The following LARGE1 variants were observed in gnomAD, a reference collection of about 807,000 sequenced individuals.
The protein encoded by LARGE1 is xylosyl- and glucuronyltransferase LARGE1.
In LARGE1, 43 loss-of-function variants were observed where a neutral mutation model predicts 87.6. That is an observed-to-expected ratio of 0.49 (90% confidence interval 0.38 to 0.63). LARGE1 has a LOEUF of 0.63. Ranked by LOEUF, LARGE1 falls within the 30% of genes least tolerant of loss-of-function variation. The pLI, the probability that LARGE1 is intolerant of heterozygous loss-of-function variation, is 0.00. For missense variants in LARGE1, 802 were observed against 1,000.2 expected (o/e 0.80, Z 2.67); for synonymous variants, 434 against 394.6 (o/e 1.10, Z -1.18).
intron 12 of LARGE1, among the ~76,000 whole-genome samples, chr22:33,284,998 T>C (rs1931247324): frequency 6.6e-6 from 1 of 152,228 alleles, no homozygotes; most frequent in South Asian, 2.1e-4. Context: ...CCTAAAATGA[T>C]GGCAATAACA....
At chr22:33,525,609 T>C (rs975391983) in intron 6 of LARGE1, among the ~76,000 whole-genome samples, 1 of 152,188 alleles carries the variant, frequency 6.6e-6, no homozygotes, top group Admixed American at 6.5e-5. Context: ...ACTTCATCTG[T>C]TCCTAGGTGA....
At chr22:33,503,605 C>T (rs1056181711) in intron 6 of LARGE1, among the ~76,000 whole-genome samples, 6 of 151,918 alleles carry the variant, frequency 3.9e-5, no homozygotes, top group Non-Finnish European at 7.4e-5. Context: ...TTGAGACCAG[C>T]CTGGCCAATA....
At chr22:33,606,764 G>C (rs1381610117) in intron 4 of LARGE1, among the ~76,000 whole-genome samples, 1 of 152,118 alleles carries the variant, frequency 6.6e-6, no homozygotes, top group Non-Finnish European at 1.5e-5. Context: ...CTGCTGTCAT[G>C]GAGCTCACAG....
intron 11 of LARGE1, among the ~76,000 whole-genome samples, chr22:33,242,653 C>T (rs1926576280): frequency 6.6e-6 from 1 of 152,078 alleles, no homozygotes. Context: ...GCTCAATTAA[C>T]ATAGTTGAGT....
In LARGE1 at chr22:33,523,223, C is replaced by T. The variant is rs571074953; in HGVS notation, c.787+41625G>A. ...TTCACCATGTTGGTCAGGCTGGTCT[C>T]GAACTCCTGACTTCAGGTGATCCGC... On this transcript the variant is annotated intron_variant, in intron 6 of 14. Coordinates refer to ENST00000397394, the MANE Select transcript of LARGE1 (RefSeq NM_133642.5). Among the ~76,000 whole-genome samples, 8 of 152,010 alleles carry T rather than the reference C, an allele frequency of 5.3e-5. No homozygotes were observed. The South Asian group carries it at 6.2e-4, about 12-fold the overall frequency.
rs1239574182 is a variant in LARGE1, at chr22:33,276,913, GCCCAAGGATCAGTACTACCACTGGT to G, written c.2073+122_2073+146del. On this transcript the variant is annotated intron_variant, in intron 14 of 14. Coordinates refer to ENST00000397394, the MANE Select transcript of LARGE1 (RefSeq NM_133642.5). Reference sequence around the variant, plus strand: ...AAGGAGCAATGGTTTGGGATCAAGAGCCCAAGGATCAGTACTACCACTGGTCCTCAAGCATATCTTGTTCCCTCTT... The same window carrying G: ...AAGGAGCAATGGTTTGGGATCAAGAGCCTCAAGCATATCTTGTTCCCTCTT... 3.7e-6 allele frequency: 3 copies of G among 814,406 alleles called. No individual in the cohort carries two copies. In the East Asian group the frequency reaches 7.8e-5, roughly 21 times the overall value. 50.4% of individuals were successfully genotyped at this position (814,406 alleles called of 1,614,324 possible). A position where few individuals can be genotyped will look rare whatever the true frequency, so the allele number is the denominator to read the frequency against.
At chr22:33,181,214 C>T (rs921169780) in intron 11 of LARGE1, among the ~76,000 whole-genome samples, 4 of 152,048 alleles carry the variant, frequency 2.6e-5, no homozygotes, top group Admixed American at 1.3e-4. Flanking sequence ...AAAATAGAAT[C>T]TAAAATCAGC....
intron 6 of LARGE1, among the ~76,000 whole-genome samples, chr22:33,524,612 T>C (rs1337538677): frequency 1.3e-5 from 2 of 152,076 alleles, no homozygotes; most frequent in African/African-American, 4.8e-5. Flanking sequence ...ATGATTTTCC[T>C]CCTGGAGGGT....
intron 6 of LARGE1, among the ~76,000 whole-genome samples, chr22:33,520,672 T>TG (rs1402885430): frequency 6.6e-6 from 1 of 152,222 alleles, no homozygotes; most frequent in Non-Finnish European, 1.5e-5. Flanking sequence ...GGAAGTGTTC[T>TG]GCGTCTTTCT....
intron 2 of LARGE1, among the ~76,000 whole-genome samples, chr22:33,740,068 G>A (rs753936132): frequency 2.6e-5 from 4 of 152,076 alleles, no homozygotes; most frequent in Non-Finnish European, 2.9e-5. Flanking sequence ...TAAACATGCC[G>A]ATCCCTAACA....
At position 33,558,096 on chromosome 22, in the gene LARGE1, A is replaced by G. The variant is rs576576229; in HGVS notation, c.787+6752T>C. ...AATTTATGTTTTTCTTCCCCGGGGC[A>G]AAACAGTCTCTCAAGTTTAGGAACT... is the stretch of plus-strand genomic sequence containing the variant. On this transcript the variant is annotated intron_variant, in intron 6 of 14. Transcript: ENST00000397394. Among the ~76,000 whole-genome samples the G allele has an allele frequency of 2.6e-5, 4 of 152,296 alleles. No homozygotes were observed. In the East Asian group the frequency reaches 7.7e-4, roughly 29 times the overall value.
At chr22:33,677,214 C>T (rs968027493) in intron 2 of LARGE1, among the ~76,000 whole-genome samples, 24 of 144,568 alleles carry the variant, frequency 1.7e-4, no homozygotes, top group South Asian at 4.4e-4. Context: ...GTGAAAAAGA[C>T]GGGGGAGGAT....
chr22:33,921,212 C>T (rs1263091498), upstream of LARGE1, among the ~76,000 whole-genome samples: 5 of 152,104 alleles, frequency 3.3e-5, no homozygotes, highest in African/African-American at 1.2e-4. The surrounding 1 kb of genome is among the most constrained non-coding windows in gnomAD (Gnocchi z 4.1). Flanking sequence ...CGCCCCGGTG[C>T]TTCTTCAGCT....
intron 5 of LARGE1, among the ~76,000 whole-genome samples, chr22:33,568,394 A>T (rs1455805446): frequency 1.3e-5 from 2 of 152,204 alleles, no homozygotes; most frequent in African/African-American, 4.8e-5. Flanking sequence ...GCAAGAGAGG[A>T]CCTAGAAGGA....
chr22:33,882,247 G>T (rs1466829215), intron 1 of LARGE1, among the ~76,000 whole-genome samples: 2 of 152,064 alleles, frequency 1.3e-5, no homozygotes, highest in African/African-American at 4.8e-5. Context: ...AGCCAGGATG[G>T]TCTCAATCTC....
intron 1 of LARGE1, among the ~76,000 whole-genome samples, chr22:33,806,417 A>G (rs2086311209): frequency 6.6e-6 from 1 of 152,120 alleles, no homozygotes; most frequent in African/African-American, 2.4e-5. Flanking sequence ...AGCCTGGCAC[A>G]TTTTCCAGCC....
chr22:33,155,539 A>T, the LARGE1 span, among the ~76,000 whole-genome samples: 4,989 of 152,258 alleles, frequency 0.033, 271 homozygotes, highest in African/African-American at 0.11. Context: ...TTCTGGTGGA[A>T]GAAATTTCTA....
intron 11 of LARGE1, among the ~76,000 whole-genome samples, chr22:33,194,800 A>C (rs1029523138): frequency 5.9e-5 from 9 of 152,214 alleles, no homozygotes; most frequent in Non-Finnish European, 1.0e-4. Context: ...TCTTACAGAA[A>C]GGGGAATAGA....
chr22:33,142,655 T>C, the LARGE1 span, among the ~76,000 whole-genome samples: 2 of 122,576 alleles, frequency 1.6e-5, no homozygotes, highest in East Asian at 5.0e-4. Flanking sequence ...CAGTTTTGAA[T>C]AAATACTCAG....
Sources: allele counts gnomAD v4.1 joint callset (sites outside exome capture counted in the v4.1 genomes callset), GRCh38; gene constraint gnomAD v4.1.1; non-coding constraint Gnocchi (gnomAD v3.1); transcripts MANE v1.5; gene names NCBI Gene and HGNC (gene_info 2026-07-23, HGNC 2026-07-21).